DISC1: variants seen among roughly 807,000 people sequenced by gnomAD.
DISC1 encodes the protein disrupted in schizophrenia 1 protein.
Under a neutral mutation model 84.5 loss-of-function variants are expected in DISC1, and 57 were observed. The ratio of observed to expected loss-of-function variants is 0.67; its 90% CI spans 0.55 to 0.84. The LOEUF (loss-of-function observed/expected upper bound fraction) is 0.84. Ranked by LOEUF, DISC1 falls within the 40% of genes least tolerant of loss-of-function variation. The pLI, the probability that DISC1 is intolerant of heterozygous loss-of-function variation, is 0.00. For missense variants in DISC1, 1,000 were observed against 1,057.8 expected, an observed-to-expected ratio of 0.95 and a Z score of 0.76; for synonymous variants, 411 against 415.2, an observed-to-expected ratio of 0.99 and a Z score of 0.12.
intron 3 of DISC1, among the ~76,000 whole-genome samples, chr1:231,726,304 A>G (rs1209625900): frequency 6.6e-6 from 1 of 152,234 alleles, no homozygotes; most frequent in African/African-American, 2.4e-5. Flanking sequence ...CCTAATACCA[A>G]ACCCCAGAAC....
intron 1 of DISC1, among the ~76,000 whole-genome samples, chr1:231,646,110 G>A (rs750784078): frequency 7.6e-5 from 11 of 145,508 alleles, no homozygotes; most frequent in Admixed American, 1.4e-4. Context: ...TGATTAACTC[G>A]TCATTTAGCA....
At chr1:232,026,762 CTTTTTTTTTTTTTT>C (rs545455868) in intron 12 of DISC1, among the ~76,000 whole-genome samples, 1 of 110,876 alleles carries the variant, frequency 9.0e-6, no homozygotes, top group Non-Finnish European at 1.8e-5. Context: ...TTTCTTTTTT[CTTTTTTTTTTTTTT>C]TTTTTTTTGA....
chr1:231,722,812 G>A, intron 3 of DISC1: 1 of 1,446,184 alleles, frequency 6.9e-7, no homozygotes, highest in Non-Finnish European at 9.0e-7. Context: ...AAAAAACCAG[G>A]TGGGCATTTC....
intron 9 of DISC1, among the ~76,000 whole-genome samples, chr1:231,819,949 AGAACC>A (rs1417920565): frequency 2.6e-5 from 4 of 152,240 alleles, no homozygotes; most frequent in Non-Finnish European, 5.9e-5. Context: ...TTTTAAAAAA[AGAACC>A]ATGCAGTATT....
intron 12 of DISC1, among the ~76,000 whole-genome samples, chr1:232,027,086 T>C (rs1435385795): frequency 6.6e-6 from 1 of 152,162 alleles, no homozygotes; most frequent in Non-Finnish European, 1.5e-5. Context: ...ATCCAACCAC[T>C]AACAATTAAG....
intron 9 of DISC1, among the ~76,000 whole-genome samples, chr1:231,837,193 A>G (rs2082686169): frequency 1.3e-5 from 2 of 152,160 alleles, no homozygotes; most frequent in Admixed American, 6.5e-5. Flanking sequence ...AATGAAGTTT[A>G]CCATATGTTT....
intron 8 of DISC1, among the ~76,000 whole-genome samples, chr1:231,814,040 TGGACTTCA>T (rs949855401): frequency 1.7e-4 from 26 of 152,298 alleles, no homozygotes; most frequent in Admixed American, 1.2e-3. Context: ...TTGGAAACTA[TGGACTTCA>T]GTGACAGATG....
At chr1:231,757,859 G>A (rs184833011) in intron 4 of DISC1, among the ~76,000 whole-genome samples, 25 of 152,176 alleles carry the variant, frequency 1.6e-4, no homozygotes, top group Non-Finnish European at 2.8e-4. Flanking sequence ...GACAGTTTGG[G>A]TGCCCTGTGT....
At chr1:231,662,178 G>A (rs1054685520) in intron 1 of DISC1, among the ~76,000 whole-genome samples, 1 of 152,230 alleles carries the variant, frequency 6.6e-6, no homozygotes, top group Non-Finnish European at 1.5e-5. Flanking sequence ...ATATCTGTAA[G>A]AGGTGGCTGG....
chr1:231,750,241 G>C (rs2074466612), intron 4 of DISC1, 165 bp downstream of exon 4: 1 of 1,430,450 alleles, frequency 7.0e-7, no homozygotes, highest in Non-Finnish European at 9.1e-7. Context: ...CAGAGTGAGA[G>C]ATGGCCCATG....
At chr1:231,904,600 C>T (rs1436752722) in intron 9 of DISC1, among the ~76,000 whole-genome samples, 1 of 152,172 alleles carries the variant, frequency 6.6e-6, no homozygotes, top group Non-Finnish European at 1.5e-5. Context: ...TATATGTACA[C>T]ATGCATTTAT....
chr1:231,964,365 C>T (rs989209830), intron 10 of DISC1, among the ~76,000 whole-genome samples: 3 of 152,222 alleles, frequency 2.0e-5, no homozygotes, highest in African/African-American at 4.8e-5. Flanking sequence ...GGCCTCTTGA[C>T]TCACATACCT....
chr1:231,985,388 GTTA>G (rs1453681063), intron 10 of DISC1, among the ~76,000 whole-genome samples: 1 of 151,298 alleles, frequency 6.6e-6, no homozygotes, highest in Non-Finnish European at 1.5e-5. Flanking sequence ...CCTTCAGTGT[GTTA>G]TTATGCAGAC....
At chr1:232,015,491 G>A (rs1668405631) in intron 11 of DISC1, among the ~76,000 whole-genome samples, 1 of 152,152 alleles carries the variant, frequency 6.6e-6, no homozygotes, top group Admixed American at 6.5e-5. Flanking sequence ...CCTCAGTGGT[G>A]TCCTGGGAGT....
rs535608432 is a variant in DISC1, at chr1:231,626,938, G to A, written c.67+4G>A. ...GGCGGCGTGAGCCACCGCGCAGGTAGGGGAGCTGCCACAGAGTCCTAGCAC... is the reference window on the plus strand; with the variant it reads ...GGCGGCGTGAGCCACCGCGCAGGTAAGGGAGCTGCCACAGAGTCCTAGCAC... On this transcript the variant is annotated splice_donor_region_variant and intron_variant, in intron 1 of 12. Coordinates refer to ENST00000439617, the MANE Select transcript of DISC1 (RefSeq NM_018662.3). 450 of 1,504,390 alleles carry A rather than the reference G, an allele frequency of 3.0e-4. 3 individuals carry two copies. The African/African-American group carries it at 6.0e-3, about 20-fold the overall frequency. 93.2% of individuals were successfully genotyped at this position (1,504,390 alleles called of 1,614,324 possible).
At chr1:231,962,299 T>A (rs1352925561) in intron 10 of DISC1, among the ~76,000 whole-genome samples, 1 of 152,188 alleles carries the variant, frequency 6.6e-6, no homozygotes, top group Non-Finnish European at 1.5e-5. Context: ...AGATGCATAG[T>A]TTGGGAATAT....
chr1:231,679,644 G>T (rs2063497324), intron 1 of DISC1, among the ~76,000 whole-genome samples: 1 of 152,188 alleles, frequency 6.6e-6, no homozygotes, highest in African/African-American at 2.4e-5. Flanking sequence ...AGATGATTCT[G>T]TAATGGAGAG....
At chr1:231,710,828 A>G (rs1017024782) in intron 3 of DISC1, among the ~76,000 whole-genome samples, 1 of 152,172 alleles carries the variant, frequency 6.6e-6, no homozygotes, top group Non-Finnish European at 1.5e-5. Context: ...AAATACAATT[A>G]AATTCTGAGG....
chr1:231,626,944 C>A lies in DISC1; in HGVS notation c.67+10C>A, dbSNP rs2058299628. The A allele has an allele frequency of 6.7e-6, 10 of 1,502,760 alleles. No individual in the cohort carries two copies. Among genetic ancestry groups the A allele is most frequent in the Non-Finnish European group, 8.8e-6 (10 of 1,132,702 alleles). 93.1% of individuals were successfully genotyped at this position (1,502,760 alleles called of 1,614,324 possible). A position where few individuals can be genotyped will look rare whatever the true frequency, so the allele number is the denominator to read the frequency against. On this transcript the variant is annotated intron_variant, in intron 1 of 12. Transcript: ENST00000439617. ...GTGAGCCACCGCGCAGGTAGGGGAG[C>A]TGCCACAGAGTCCTAGCACGTCCTG... is the stretch of plus-strand genomic sequence containing the variant.
Sources: allele counts gnomAD v4.1 joint callset (sites outside exome capture counted in the v4.1 genomes callset), GRCh38; gene constraint gnomAD v4.1.1; transcripts MANE v1.5; gene names NCBI Gene and HGNC (gene_info 2026-07-23, HGNC 2026-07-21).